Variants in PKNOX2 observed in about 807,000 individuals in gnomAD.
PKNOX2 encodes the protein PBX/knotted 1 homeobox 2.
Under a neutral mutation model 53.1 loss-of-function variants are expected in PKNOX2, and 14 were observed. The ratio of observed to expected loss-of-function variants is 0.26; its 90% CI spans 0.17 to 0.41. The LOEUF (loss-of-function observed/expected upper bound fraction) is 0.41, where lower values mean the gene tolerates loss of function less well. PKNOX2 is among the 10% of genes least tolerant of loss of function. PKNOX2 has a pLI of 1.00. For synonymous variants in PKNOX2, 257 were observed against 242.8 expected (o/e 1.06, Z -0.54); for missense variants, 496 against 602.8 (o/e 0.82, Z 1.85).
chr11:125,402,036 C>G (rs889244315), intron 7 of PKNOX2, among the ~76,000 whole-genome samples: 1 of 152,104 alleles, frequency 6.6e-6, no homozygotes, highest in Admixed American at 6.5e-5. Flanking sequence ...AACTTGGTAT[C>G]CCCACTCCCA....
chr11:125,423,325 T>A (rs1956261863), intron 10 of PKNOX2, among the ~76,000 whole-genome samples: 1 of 152,188 alleles, frequency 6.6e-6, no homozygotes, highest in Non-Finnish European at 1.5e-5. Context: ...CCGGTGTGCC[T>A]TAATGGACTC....
At chr11:125,426,905 G>A (rs913940613) in intron 10 of PKNOX2, among the ~76,000 whole-genome samples, 1 of 152,248 alleles carries the variant, frequency 6.6e-6, no homozygotes, top group South Asian at 2.1e-4. Flanking sequence ...GCCTTGCAGA[G>A]GCTGTGATCT....
chr11:125,314,821 G>C (rs866633091), intron 2 of PKNOX2, among the ~76,000 whole-genome samples: 1 of 152,098 alleles, frequency 6.6e-6, no homozygotes, highest in African/African-American at 2.4e-5. Context: ...GGGCAGCCCT[G>C]GCTGGACACT....
At chr11:125,176,814 G>T (rs1435138414) in intron 1 of PKNOX2, among the ~76,000 whole-genome samples, 2 of 152,200 alleles carry the variant, frequency 1.3e-5, no homozygotes, top group Non-Finnish European at 2.9e-5. Context: ...GCCAGGGATT[G>T]TGCTCTCATC....
intron 3 of PKNOX2, among the ~76,000 whole-genome samples, chr11:125,348,649 C>A (rs572290603): frequency 6.6e-6 from 1 of 152,384 alleles, no homozygotes; most frequent in South Asian, 2.1e-4. Flanking sequence ...CCACACAGGG[C>A]AGCCCTCCTG....
Position 125,383,998 on chromosome 11 carries a change from G to A in PKNOX2, c.228-1553G>A, listed in dbSNP as rs76294510. On this transcript the variant is annotated intron_variant, in intron 5 of 12. Transcript: ENST00000298282. ...CATTGCATAGTTCCAGGAGCCTGGGGAGACAGACCAGAGAGGGCTGTGAGA... is the reference window on the plus strand; with the variant it reads ...CATTGCATAGTTCCAGGAGCCTGGGAAGACAGACCAGAGAGGGCTGTGAGA... Among the ~76,000 whole-genome samples the A allele has an allele frequency of 3.9e-3, 601 of 152,270 alleles. 1 individual carries two copies. The highest frequency in any genetic ancestry group is 7.1e-3 in the Non-Finnish European group (480 of 68,018).
rs141588911 is a variant in PKNOX2, at chr11:125,272,206, G to A, written c.-130+37091G>A. Among the ~76,000 whole-genome samples the A allele has an allele frequency of 1.2e-3, 185 of 152,340 alleles. 1 individual carries two copies. Among genetic ancestry groups the A allele is most frequent in the African/African-American group, 4.3e-3 (178 of 41,564 alleles). Reference sequence around the variant, plus strand: ...CTCCTGGCTGTGAAGGGTCGTGGGGGTGTGAGGAAAGCTCTCCAGGTGTTT... The same window carrying A: ...CTCCTGGCTGTGAAGGGTCGTGGGGATGTGAGGAAAGCTCTCCAGGTGTTT... On this transcript the variant is annotated intron_variant, in intron 2 of 12. Transcript: ENST00000298282.
At chr11:125,399,572 G>A (rs1487496866) in intron 7 of PKNOX2, among the ~76,000 whole-genome samples, 1 of 152,194 alleles carries the variant, frequency 6.6e-6, no homozygotes, top group Non-Finnish European at 1.5e-5. Flanking sequence ...TTAATGAGAT[G>A]GAAAGCCATC....
At chr11:125,399,845 C>A (rs1954629810) in intron 7 of PKNOX2, among the ~76,000 whole-genome samples, 1 of 152,192 alleles carries the variant, frequency 6.6e-6, no homozygotes, top group South Asian at 2.1e-4. Context: ...GCCACCTCAG[C>A]CCCCTCAGGG....
intron 1 of PKNOX2, among the ~76,000 whole-genome samples, chr11:125,217,868 A>C (rs1029698773): frequency 6.6e-6 from 1 of 152,216 alleles, no homozygotes. Flanking sequence ...ACCGAATTGC[A>C]GTGAGGTTAA....
chr11:125,181,897 T>C (rs569117375), intron 1 of PKNOX2, among the ~76,000 whole-genome samples: 1 of 152,280 alleles, frequency 6.6e-6, no homozygotes, highest in East Asian at 1.9e-4. Flanking sequence ...CAGTTACAGA[T>C]GACTTCCTTT....
At chr11:125,299,041 T>G (rs12294136) in intron 2 of PKNOX2, among the ~76,000 whole-genome samples, 28,911 of 151,756 alleles carry the variant, frequency 0.19, 3,144 homozygotes, top group African/African-American at 0.28. Context: ...GCCAGCATCT[T>G]CTCGGGTTTG....
chr11:125,313,824 T>C (rs1282543046), intron 2 of PKNOX2, among the ~76,000 whole-genome samples: 1 of 152,192 alleles, frequency 6.6e-6, no homozygotes, highest in African/African-American at 2.4e-5. Flanking sequence ...AGTAGCCACA[T>C]GGTGTCCATG....
At chr11:125,221,340 A>T (rs923481610) in intron 1 of PKNOX2, among the ~76,000 whole-genome samples, 2 of 151,878 alleles carry the variant, frequency 1.3e-5, no homozygotes, top group Non-Finnish European at 2.9e-5. Flanking sequence ...GGTGAGGGGA[A>T]CTCTAGGCAA....
At chr11:125,388,582 C>T (rs980908992) in intron 6 of PKNOX2, among the ~76,000 whole-genome samples, 2 of 152,020 alleles carry the variant, frequency 1.3e-5, no homozygotes, top group African/African-American at 4.8e-5. Flanking sequence ...CTTGGAAGTT[C>T]CTCTCTCCCC....
intron 4 of PKNOX2, among the ~76,000 whole-genome samples, chr11:125,362,898 AG>A (rs1485681652): frequency 7.9e-5 from 12 of 152,306 alleles, no homozygotes; most frequent in African/African-American, 2.9e-4. Context: ...AGCCCCACCC[AG>A]ATTTTACACA....
intron 6 of PKNOX2, among the ~76,000 whole-genome samples, chr11:125,390,126 C>A (rs574845278): frequency 2.2e-4 from 34 of 152,346 alleles, no homozygotes; most frequent in African/African-American, 8.2e-4. Context: ...AATGGGAATC[C>A]TCAACGCTAG....
intron 2 of PKNOX2, among the ~76,000 whole-genome samples, chr11:125,296,307 C>T (rs572597698): frequency 1.8e-4 from 28 of 152,320 alleles, no homozygotes; most frequent in African/African-American, 6.7e-4. Context: ...TCAAAGTCTA[C>T]TCCATAGTCT....
At chr11:125,210,766 G>A (rs111420613) in intron 1 of PKNOX2, among the ~76,000 whole-genome samples, 2,722 of 152,160 alleles carry the variant, frequency 0.018, 83 homozygotes, top group African/African-American at 0.062. Context: ...GGAAAGTGCA[G>A]AGTTCAGGAT....
Sources: gnomAD v4.1 joint callset for allele counts (sites outside exome capture counted in the v4.1 genomes callset) on GRCh38, gnomAD v4.1.1 for gene constraint, MANE v1.5 for transcripts, NCBI Gene and HGNC (gene_info 2026-07-23, HGNC 2026-07-21) for gene names.